The following OTX2 variants were observed in gnomAD, a reference collection of about 807,000 sequenced individuals.
OTX2 encodes the protein homeobox protein OTX2.
A neutral mutation model predicts 29.0 loss-of-function variants in OTX2; 4 were observed. The ratio of observed to expected loss-of-function variants is 0.14; its 90% CI spans 0.07 to 0.32. The LOEUF (loss-of-function observed/expected upper bound fraction) is 0.32. OTX2 is among the 10% of genes least tolerant of loss of function. The probability of loss-of-function intolerance (pLI) is 1.00; values close to 1 mark genes in which losing one functional copy is unlikely to be tolerated. For synonymous variants in OTX2, 134 were observed against 141.0 expected, an observed-to-expected ratio of 0.95 and a Z score of 0.35; for missense variants, 298 against 365.9, an observed-to-expected ratio of 0.81 and a Z score of 1.51.
intron 2 of OTX2, among the ~76,000 whole-genome samples, chr14:56,809,359 G>A (rs1892199230): frequency 6.6e-6 from 1 of 152,238 alleles, no homozygotes; most frequent in African/African-American, 2.4e-5. Flanking sequence ...GACAACCGGG[G>A]GTTGGGAGGC....
Position 56,801,266 on chromosome 14 carries a change from C to A in OTX2, c.*469G>T. 1 of 220,546 alleles carries A rather than the reference C, an allele frequency of 4.5e-6. No individual in the cohort carries two copies. The highest frequency in any genetic ancestry group is 9.1e-6 in the Non-Finnish European group (1 of 109,628). 13.7% of individuals were successfully genotyped at this position (220,546 alleles called of 1,614,324 possible). ...AATCAGTCACACAATTCACACAGCC[C>A]TGAAAAGTTTTTTCAGTGCCAACTA... On this transcript the variant is annotated 3_prime_UTR_variant, in exon 5 of 5. Coordinates refer to ENST00000672264, the MANE Select transcript of OTX2 (RefSeq NM_021728.4). The surrounding 1 kb of genome is among the most constrained non-coding windows in gnomAD (Gnocchi z 4.2).
rs1185119347 is a variant in OTX2 at position 56,802,545 on chromosome 14, T to C, written c.274-190A>G. On this transcript the variant is annotated intron_variant, in intron 4 of 4. Transcript: ENST00000672264. The surrounding 1 kb of genome is among the most constrained non-coding windows in gnomAD (Gnocchi z 4.4). ...TTGTAAGAAAGTTGGGGAGGCTCTG[T>C]CTAAAAACACTTGACACTGTCTTAT... Among the ~76,000 whole-genome samples, 2 of 152,186 alleles carry C rather than the reference T, an allele frequency of 1.3e-5. No homozygotes were observed. The highest frequency in any genetic ancestry group is 4.8e-5 in the African/African-American group (2 of 41,444).
intron 2 of OTX2, among the ~76,000 whole-genome samples, chr14:56,808,339 C>G (rs773091500): frequency 6.6e-6 from 1 of 152,182 alleles, no homozygotes. Context: ...ACTACGCGGA[C>G]TGGCGACTGG....
At position 56,801,471 on chromosome 14, in the gene OTX2, A is replaced by G. The variant is rs1891873121; in HGVS notation, c.*264T>C. The G allele has an allele frequency of 1.9e-6, 1 of 528,298 alleles. No individual in the cohort carries two copies. The highest frequency in any genetic ancestry group is 3.2e-5 in the Admixed American group (1 of 31,480). 32.7% of individuals were successfully genotyped at this position (528,298 alleles called of 1,614,324 possible). A position where few individuals can be genotyped will look rare whatever the true frequency, so the allele number is the denominator to read the frequency against. On this transcript the variant is annotated 3_prime_UTR_variant, in exon 5 of 5. Transcript: ENST00000672264. This position sits in a 1 kb window ranked among gnomAD's most constrained non-coding sequence, Gnocchi z 4.2. ...TGGTGTTTGGTTGCACATGGCTAGA[A>G]TGCTTTTGATCACTTTGCAAATCAG... is the stretch of plus-strand genomic sequence containing the variant.
chr14:56,807,848 C>T (rs907118286), intron 2 of OTX2, among the ~76,000 whole-genome samples: 4 of 152,244 alleles, frequency 2.6e-5, no homozygotes, highest in Non-Finnish European at 5.9e-5. Context: ...ACTATGACTG[C>T]TCACGAGGTG....
At chr14:56,805,764 A>G in intron 2 of OTX2, 189 bp from the exon 3 acceptor site, 1 of 279,540 alleles carries the variant, frequency 3.6e-6, no homozygotes, top group South Asian at 3.9e-5. Context: ...ACTAGAGGGG[A>G]TGGAAGGAGA....
Position 56,802,282 on chromosome 14 carries a change from A to G in OTX2, c.347T>C (p.Val116Ala). ...QQQQNGGQNK[V>A]RPAKKKTSPA... ...AGATGTCTTCTTTTTGGCAGGTCTC[A>G]CTTTGTTTTGACCTCCATTCTGCTG... Residue 116 changes from valine to alanine, a missense_variant, in exon 5 of 5, where the codon GTG becomes GCG. Physicochemically the swap from Val to Ala is moderately conservative, Grantham distance 64 (BLOSUM62 0). Around this residue, in one of 3 missense-constraint regions of OTX2, gnomAD observed 219 missense variants for 223.5 expected, o/e 0.98. Coordinates refer to ENST00000672264, the MANE Select transcript of OTX2 (RefSeq NM_021728.4). The surrounding 1 kb of genome is among the most constrained non-coding windows in gnomAD (Gnocchi z 4.4). The G allele has an allele frequency of 1.2e-6, 2 of 1,614,098 alleles. No individual in the cohort carries two copies. The highest frequency in any genetic ancestry group is 1.7e-6 in the Non-Finnish European group (2 of 1,180,024).
chr14:56,808,247 G>T (rs1329464007), intron 2 of OTX2, among the ~76,000 whole-genome samples: 1 of 152,124 alleles, frequency 6.6e-6, no homozygotes, highest in East Asian at 1.9e-4. Flanking sequence ...AGGGGCACAC[G>T]TCCCTTAATT....
chr14:56,805,503 C>G lies in OTX2; in HGVS notation c.-47G>C, dbSNP rs776104541. 8.4e-6 allele frequency: 11 copies of G among 1,308,388 alleles called. No individual in the cohort carries two copies. In the South Asian group the frequency reaches 1.3e-4, roughly 16 times the overall value. The allele number at this position is 1,308,388 out of a possible 1,614,324, so 81.0% of individuals were successfully genotyped here. A position where few individuals can be genotyped will look rare whatever the true frequency, so the allele number is the denominator to read the frequency against. On this transcript the variant is annotated 5_prime_UTR_variant, in exon 3 of 5. Transcript: ENST00000672264. ...AAAGTCGGCCCAAATCGGGGGTACC[C>G]AGCTGGAAGATCTTGATGCGCCCGG...
In OTX2 at chr14:56,804,277, C is replaced by T. The variant is rs1891997551; in HGVS notation, c.184G>A (p.Glu62Lys). ...TACCGGGTCTTGGCAAACAGTGCTT[C>T]CAGCACATCTAGCTGCGCCCGAGTG... ...TFTRAQLDVL[E>K]ALFAKTRYPD... is the part of the protein sequence containing the mutation. The change falls in exon 4 of 5, where the codon GAA (glutamate) becomes AAA (lysine). Residue 62 changes from glutamate to lysine, a missense_variant. By Grantham distance (56) the Glu-to-Lys change is moderately conservative. Coordinates refer to ENST00000672264, the MANE Select transcript of OTX2 (RefSeq NM_021728.4). This position sits in a 1 kb window ranked among gnomAD's most constrained non-coding sequence, Gnocchi z 4.1. 6.2e-7 allele frequency: 1 copy of T among 1,614,098 alleles called. No individual in the cohort carries two copies. The highest frequency in any genetic ancestry group is 1.7e-5 in the Admixed American group (1 of 60,016).
rs547751895 is a variant in OTX2, at chr14:56,807,949, C to T, written c.-120+2210G>A. Among the ~76,000 whole-genome samples the T allele has an allele frequency of 2.6e-3, 395 of 152,066 alleles. 2 individuals carry two copies. Among genetic ancestry groups the T allele is most frequent in the African/African-American group, 8.6e-3 (359 of 41,528 alleles). ...CGACCGCACCTCCGGGCGCGAGTGC[C>T]TGGGTCCCGCGTTCCTGCCCGGCAG... On this transcript the variant is annotated intron_variant, in intron 2 of 4. Transcript: ENST00000672264.
At position 56,802,188 on chromosome 14, in the gene OTX2, G is replaced by A. The variant is rs1018175216; in HGVS notation, c.441C>T (p.Val147=). The change falls in exon 5 of 5, where the codon GTC becomes GTT. Residue 147 remains valine (V), a synonymous_variant. Transcript: ENST00000672264. This position sits in a 1 kb window ranked among gnomAD's most constrained non-coding sequence, Gnocchi z 4.4. ...GAGCACTGCTGCTGGCAATGGTCGG[G>A]ACTGAGGTGCTAGAGGGGGGAGTGA... ...GQFTPPSSTS[V]PTIASSSAPV... is the part of the protein sequence containing the mutation. The A allele has an allele frequency of 2.5e-6, 4 of 1,614,164 alleles. No homozygotes were observed. Among genetic ancestry groups the A allele is most frequent in the African/African-American group, 2.7e-5 (2 of 75,038 alleles).
rs945186505 is a variant in OTX2 at position 56,801,191 on chromosome 14, A to G, written c.*544T>C. 5.6e-5 allele frequency: 10 copies of G among 178,966 alleles called. No homozygotes were observed. The highest frequency in any genetic ancestry group is 1.1e-4 in the Non-Finnish European group (9 of 82,778). 11.1% of individuals were successfully genotyped at this position (178,966 alleles called of 1,614,324 possible). A position where few individuals can be genotyped will look rare whatever the true frequency, so the allele number is the denominator to read the frequency against. ...ACACTGATTGTCTCTTAAACTACATATTGACTCCTTATGAACATTATTTTT... is the reference window on the plus strand; with the variant it reads ...ACACTGATTGTCTCTTAAACTACATGTTGACTCCTTATGAACATTATTTTT... On this transcript the variant is annotated 3_prime_UTR_variant, in exon 5 of 5. Transcript: ENST00000672264. This position sits in a 1 kb window ranked among gnomAD's most constrained non-coding sequence, Gnocchi z 4.2.
Position 56,804,799 on chromosome 14 carries a change from G to A in OTX2, c.98-436C>T, listed in dbSNP as rs577006647. ...CCTTTGTTCCTCCATCTTTAAAATG[G>A]GGACATAGTTCATACTCCTGGGAGG... On this transcript the variant is annotated intron_variant, in intron 3 of 4. Coordinates refer to ENST00000672264, the MANE Select transcript of OTX2 (RefSeq NM_021728.4). This position sits in a 1 kb window ranked among gnomAD's most constrained non-coding sequence, Gnocchi z 4.1. Among the ~76,000 whole-genome samples the A allele has an allele frequency of 9.9e-5, 15 of 152,048 alleles. No homozygotes were observed. The highest frequency in any genetic ancestry group is 1.9e-4 in the Non-Finnish European group (13 of 68,016).
Position 56,802,363 on chromosome 14 carries a change from G to A in OTX2, c.274-8C>T. The A allele has an allele frequency of 6.2e-7, 1 of 1,614,020 alleles. No homozygotes were observed. Among genetic ancestry groups the A allele is most frequent in the African/African-American group, 1.3e-5 (1 of 75,034 alleles). ...TCGATTCTTAAACCATACCTTGGAA[G>A]GGAAAGAAAATTCTTTAACTCGGTT... On this transcript the variant is annotated splice_region_variant and splice_polypyrimidine_tract_variant and intron_variant, in intron 4 of 4. Transcript: ENST00000672264. The surrounding 1 kb of genome is among the most constrained non-coding windows in gnomAD (Gnocchi z 4.4).
At chr14:56,803,967 T>C (rs1891983731) in intron 4 of OTX2, among the ~76,000 whole-genome samples, 2 of 152,124 alleles carry the variant, frequency 1.3e-5, no homozygotes, top group Non-Finnish European at 2.9e-5. Context: ...TGGGTCTCTC[T>C]CCACCAGCAA....
At chr14:56,803,094 G>C (rs559054523) in intron 4 of OTX2, among the ~76,000 whole-genome samples, 1 of 152,314 alleles carries the variant, frequency 6.6e-6, no homozygotes, top group East Asian at 1.9e-4. Flanking sequence ...CCTGTGCTGT[G>C]TTTACTGACT....
intron 2 of OTX2, among the ~76,000 whole-genome samples, chr14:56,806,213 A>G (rs907822432): frequency 2.6e-5 from 4 of 152,194 alleles, no homozygotes; most frequent in Non-Finnish European, 2.9e-5. Flanking sequence ...AAAACCGCTC[A>G]ACCACTATTA....
chr14:56,808,345 A>G (rs1892161326), intron 2 of OTX2, among the ~76,000 whole-genome samples: 1 of 152,138 alleles, frequency 6.6e-6, no homozygotes, highest in Non-Finnish European at 1.5e-5. Flanking sequence ...CGGACTGGCG[A>G]CTGGCCTGCG....
Sources: gnomAD v4.1 joint callset for allele counts (sites outside exome capture counted in the v4.1 genomes callset) on GRCh38, gnomAD v4.1.1 for gene constraint, gnomAD v4.1.1 regional missense constraint, Gnocchi (gnomAD v3.1) non-coding constraint, MANE v1.5 for transcripts, NCBI Gene and HGNC (gene_info 2026-07-23, HGNC 2026-07-21) for gene names.